Variants in CSMD1 observed in about 807,000 individuals in gnomAD.
CSMD1 encodes the protein CUB and sushi domain-containing protein 1.
In CSMD1, 213 loss-of-function variants were observed where a neutral mutation model predicts 417.5. The observed-to-expected ratio is 0.51, with a 90% confidence interval of 0.46 to 0.57. The LOEUF is 0.57. CSMD1 is among the 20% of genes least tolerant of loss of function. The pLI is 0.00. For missense variants in CSMD1, 6,923 were observed against 4,529.7 expected, an observed-to-expected ratio of 1.53 and a Z score of -15.17; for synonymous variants, 2,862 against 1,736.8, an observed-to-expected ratio of 1.65 and a Z score of -16.11.
chr8:3,850,333 T>C (rs1461763720), intron 5 of CSMD1, among the ~76,000 whole-genome samples: 1 of 147,682 alleles, frequency 6.8e-6, no homozygotes, highest in Non-Finnish European at 1.5e-5. Flanking sequence ...GTCTCACCCC[T>C]GACTCTTTCT....
At chr8:4,024,965 G>C (rs1023695771) in intron 4 of CSMD1, among the ~76,000 whole-genome samples, 7 of 152,238 alleles carry the variant, frequency 4.6e-5, no homozygotes, top group African/African-American at 1.4e-4. Flanking sequence ...TCTGAAGTAC[G>C]ATTGGCCTGG....
At chr8:3,250,418 A>G (rs1236899397) in intron 26 of CSMD1, among the ~76,000 whole-genome samples, 1 of 152,200 alleles carries the variant, frequency 6.6e-6, no homozygotes, top group African/African-American at 2.4e-5. Flanking sequence ...ATAGTATTCC[A>G]TGGTATATAT....
At chr8:4,067,586 G>A (rs759237340) in intron 3 of CSMD1, among the ~76,000 whole-genome samples, 19 of 151,906 alleles carry the variant, frequency 1.3e-4, no homozygotes, top group Non-Finnish European at 2.8e-4. Context: ...CAGCATTTTT[G>A]TTTATTAATT....
At chr8:4,100,379 T>C (rs1385911135) in intron 3 of CSMD1, among the ~76,000 whole-genome samples, 1 of 152,172 alleles carries the variant, frequency 6.6e-6, no homozygotes, top group Admixed American at 6.5e-5. Flanking sequence ...ACCCATCTCC[T>C]TCCACCTTCC....
intron 10 of CSMD1, among the ~76,000 whole-genome samples, chr8:3,533,675 T>C (rs1798072317): frequency 2.6e-5 from 4 of 152,134 alleles, no homozygotes; most frequent in Admixed American, 2.6e-4. Flanking sequence ...TTCACTCCAC[T>C]AACACTTATT....
At chr8:3,724,933 A>C (rs1479786914) in intron 6 of CSMD1, among the ~76,000 whole-genome samples, 1 of 152,198 alleles carries the variant, frequency 6.6e-6, no homozygotes, top group Non-Finnish European at 1.5e-5. Context: ...ACTATGTACA[A>C]ATTCTTTTTA....
intron 5 of CSMD1, among the ~76,000 whole-genome samples, chr8:3,791,470 G>A (rs575774153): frequency 3.9e-5 from 6 of 152,260 alleles, no homozygotes; most frequent in East Asian, 1.9e-4. Context: ...CTTGTAATAC[G>A]TTCTTTAGTT....
chr8:4,224,883 G>A (rs913002095), intron 3 of CSMD1, among the ~76,000 whole-genome samples: 8 of 138,372 alleles, frequency 5.8e-5, no homozygotes, highest in Admixed American at 2.2e-4. Flanking sequence ...ACCAAGGCAG[G>A]TGGATCATTT....
At position 3,979,648 on chromosome 8, in the gene CSMD1, C is replaced by T. The variant is rs186733658; in HGVS notation, c.818+18255G>A. On this transcript the variant is annotated intron_variant, in intron 5 of 69. Transcript: ENST00000635120. ...AAGAGATTCCAGAGCTCTCTCCCCGCCTTGTGAAGACGCTGAAAGCAGGTG... is the reference window on the plus strand; with the variant it reads ...AAGAGATTCCAGAGCTCTCTCCCCGTCTTGTGAAGACGCTGAAAGCAGGTG... 2.9e-3 allele frequency among the ~76,000 whole-genome samples: 445 copies of T among 152,258 alleles called. 2 individuals are homozygous for T. Among genetic ancestry groups the T allele is most frequent in the African/African-American group, 0.01 (423 of 41,558 alleles).
At chr8:4,669,971 C>T (rs1805187715) in intron 1 of CSMD1, among the ~76,000 whole-genome samples, 1 of 152,124 alleles carries the variant, frequency 6.6e-6, no homozygotes, top group African/African-American at 2.4e-5. Context: ...ATTGGAGCTG[C>T]TGAGCTGAAG....
chr8:4,233,097 G>A (rs888913272), intron 3 of CSMD1, among the ~76,000 whole-genome samples: 5 of 152,206 alleles, frequency 3.3e-5, no homozygotes, highest in Non-Finnish European at 4.4e-5. Context: ...GCACTGAACT[G>A]CACAGTTGGA....
intron 1 of CSMD1, among the ~76,000 whole-genome samples, chr8:4,857,955 C>T (rs1342058822): frequency 6.6e-6 from 1 of 151,944 alleles, no homozygotes; most frequent in Non-Finnish European, 1.5e-5. Flanking sequence ...GGCAGAGACA[C>T]AACCAAAAAA....
At chr8:3,623,110 T>C (rs552120186) in intron 7 of CSMD1, among the ~76,000 whole-genome samples, 1 of 152,222 alleles carries the variant, frequency 6.6e-6, no homozygotes, top group Non-Finnish European at 1.5e-5. Context: ...GATATGTAAT[T>C]ATGCAAGTGG....
intron 40 of CSMD1, 80 bp from the exon 41 acceptor site, chr8:3,142,754 T>G (rs1447683452): frequency 1.7e-6 from 2 of 1,160,374 alleles, no homozygotes; most frequent in African/African-American, 1.5e-5. Flanking sequence ...GACTGAAGTG[T>G]TAGCAGTCTC....
chr8:3,618,034 C>G (rs2469317), intron 7 of CSMD1, among the ~76,000 whole-genome samples: 95,154 of 151,682 alleles, frequency 0.63, 30,331 homozygotes, highest in Middle Eastern at 0.7. Context: ...CAGGATCTCA[C>G]TCTGTTGCCC....
At chr8:3,242,178 A>G (rs931477360) in intron 26 of CSMD1, among the ~76,000 whole-genome samples, 2 of 152,094 alleles carry the variant, frequency 1.3e-5, no homozygotes, top group African/African-American at 4.8e-5. Flanking sequence ...GGGGAGGGCT[A>G]GTCCCAGAAT....
At chr8:4,273,616 G>C (rs181554691) in intron 3 of CSMD1, among the ~76,000 whole-genome samples, 2 of 152,104 alleles carry the variant, frequency 1.3e-5, no homozygotes, top group Non-Finnish European at 2.9e-5. Context: ...AATTAAATGA[G>C]GTTTTCTGTA....
At chr8:4,224,790 A>T (rs1045352321) in intron 3 of CSMD1, among the ~76,000 whole-genome samples, 15 of 152,340 alleles carry the variant, frequency 9.8e-5, no homozygotes, top group Non-Finnish European at 2.1e-4. Context: ...TAAAATGTTA[A>T]AATGTGTGTT....
At position 4,824,744 on chromosome 8, in the gene CSMD1, A is replaced by C. The variant is rs116429934; in HGVS notation, c.85+169588T>G. Among the ~76,000 whole-genome samples the C allele has an allele frequency of 4.7e-3, 718 of 152,290 alleles. 3 individuals are homozygous for C. Among genetic ancestry groups the C allele is most frequent in the African/African-American group, 0.017 (690 of 41,576 alleles). Reference sequence around the variant, plus strand: ...GAATTACTTGGAATAACACTGCTGGAACTTGTCACTCAAAGACAAAAGCTA... The same window carrying C: ...GAATTACTTGGAATAACACTGCTGGCACTTGTCACTCAAAGACAAAAGCTA... On this transcript the variant is annotated intron_variant, in intron 1 of 69. Coordinates refer to ENST00000635120, the MANE Select transcript of CSMD1 (RefSeq NM_033225.6).
Sources: gnomAD v4.1 joint callset for allele counts (sites outside exome capture counted in the v4.1 genomes callset) on GRCh38, gnomAD v4.1.1 for gene constraint, MANE v1.5 for transcripts, NCBI Gene and HGNC (gene_info 2026-07-23, HGNC 2026-07-21) for gene names.